Variants in TNNT3 observed in about 807,000 individuals in gnomAD.
TNNT3 encodes troponin T3, fast skeletal type.
A neutral mutation model predicts 54.2 loss-of-function variants in TNNT3; 36 were observed. The observed-to-expected ratio is 0.66, with a 90% CI of 0.51 to 0.88. The LOEUF (loss-of-function observed/expected upper bound fraction) is 0.88. Among genes scored for constraint, TNNT3 ranks in the 40% least tolerant of loss-of-function variants. The pLI, the probability that TNNT3 is intolerant of heterozygous loss-of-function variation, is 0.00. For synonymous variants in TNNT3, 120 were observed against 109.7 expected (o/e 1.09, Z -0.59); for missense variants, 291 against 331.6 (o/e 0.88, Z 0.95).
rs747842953 is a variant in TNNT3 at position 1,936,921 on chromosome 11, G to T, written c.682-42G>T. ...GCCTTCACCCAGTACACGCAGGCCT[G>T]GCCCTCGGGTCGTCGCAGTGAGTCA... On this transcript the variant is annotated intron_variant, in intron 14 of 15. Transcript: ENST00000278317. 6 of 1,582,196 alleles carry T rather than the reference G, an allele frequency of 3.8e-6. No individual in the cohort carries two copies. The African/African-American group carries it at 8.1e-5, about 21-fold the overall frequency.
At chr11:1,925,337 T>G (rs1176020050) in intron 5 of TNNT3, 5 of 1,258,322 alleles carry the variant, frequency 4.0e-6, no homozygotes, top group East Asian at 2.5e-5. Context: ...GGAGCCCATG[T>G]GGGGGTGGGG....
chr11:1,932,393 C>T (rs569613397), intron 8 of TNNT3, 76 bp from the exon 9 acceptor site: 95 of 1,461,956 alleles, frequency 6.5e-5, no homozygotes, highest in East Asian at 4.3e-4. Context: ...CAGGGGCCAG[C>T]GGGGAAAGCG....
chr11:1,923,926 G>A (rs544457579), intron 4 of TNNT3, among the ~76,000 whole-genome samples: 76 of 152,064 alleles, frequency 5.0e-4, no homozygotes, highest in African/African-American at 1.8e-3. Context: ...AACACCGAGT[G>A]CCCTGCGTGC....
At chr11:1,935,290 C>T (rs1018352901) in intron 14 of TNNT3, 62 of 353,138 alleles carry the variant, frequency 1.8e-4, no homozygotes, top group Non-Finnish European at 2.5e-4. Flanking sequence ...AGCTCGGCCC[C>T]GGGGCACCGA....
chr11:1,928,230 G>A (rs1479944067), intron 6 of TNNT3, among the ~76,000 whole-genome samples: 2 of 152,254 alleles, frequency 1.3e-5, no homozygotes, highest in African/African-American at 4.8e-5. Context: ...AGCAGGGACT[G>A]AAGGGACAGG....
chr11:1,924,779 G>T, intron 4 of TNNT3: 1 of 561,548 alleles, frequency 1.8e-6, no homozygotes, highest in Non-Finnish European at 3.2e-6. Flanking sequence ...CTTAACAAGG[G>T]CCCCCGTGCA....
chr11:1,925,135 C>T lies in TNNT3; in HGVS notation c.67+19C>T. On this transcript the variant is annotated intron_variant, in intron 5 of 15. Coordinates refer to ENST00000278317, the MANE Select transcript of TNNT3 (RefSeq NM_006757.4). ...GAGGAAGGTAAGTGGGGTCCAAGGC[C>T]CCGGCCCCCATGCCCACTCCCCAGC... is the stretch of plus-strand genomic sequence containing the variant. 1 of 1,612,478 alleles carries T rather than the reference C, an allele frequency of 6.2e-7. No homozygotes were observed. Among genetic ancestry groups the T allele is most frequent in the East Asian group, 2.2e-5 (1 of 44,850 alleles).
chr11:1,930,784 A>C (rs1853146403), intron 8 of TNNT3, among the ~76,000 whole-genome samples: 1 of 152,212 alleles, frequency 6.6e-6, no homozygotes, highest in Admixed American at 6.5e-5. Flanking sequence ...GATTTTAAGT[A>C]CAGTAATGCT....
chr11:1,934,409 T>A lies in TNNT3; in HGVS notation c.444T>A (p.Ser148=). 6.2e-7 allele frequency: 1 copy of A among 1,613,840 alleles called. No individual in the cohort carries two copies. The highest frequency in any genetic ancestry group is 8.5e-7 in the Non-Finnish European group (1 of 1,180,036). ...EDDLKKKKAL[S]SMGANYSSYL... Reference sequence around the variant, plus strand: ...ACCTGAAGAAGAAGAAAGCTCTGTCTTCCATGGGAGCCAACTACAGCAGCT... The same window carrying A: ...ACCTGAAGAAGAAGAAAGCTCTGTCATCCATGGGAGCCAACTACAGCAGCT... The change falls in exon 12 of 16, where the codon TCT becomes TCA. Residue 148 remains serine, a synonymous_variant. Transcript: ENST00000278317.
Position 1,932,450 on chromosome 11 carries a change from C to G in TNNT3, c.126-19C>G, listed in dbSNP as rs746367258. 1 of 1,613,428 alleles carries G rather than the reference C, an allele frequency of 6.2e-7. No individual in the cohort carries two copies. Among genetic ancestry groups the G allele is most frequent in the Admixed American group, 1.7e-5 (1 of 60,028 alleles). ...GGTCTCCGGGTCTCTGCTCACGGGC[C>G]TCTCTGTCTCCTCTTCAGACTCACT... On this transcript the variant is annotated intron_variant, in intron 8 of 15. Coordinates refer to ENST00000278317, the MANE Select transcript of TNNT3 (RefSeq NM_006757.4).
At chr11:1,922,912 T>G (rs760387565) in intron 2 of TNNT3, 21 bp downstream of exon 2, 1 of 1,613,814 alleles carries the variant, frequency 6.2e-7, no homozygotes. Flanking sequence ...AGCTGGTGGC[T>G]GCCCCCTGCC....
At chr11:1,921,590 C>G (rs570256938) in intron 1 of TNNT3, 1 of 152,328 alleles carries the variant, frequency 6.6e-6, no homozygotes, top group East Asian at 1.9e-4. Flanking sequence ...AAAAGCTACC[C>G]CCGTTGCCTG....
chr11:1,933,971 G>T lies in TNNT3; in HGVS notation c.329G>T (p.Arg110Leu). The T allele has an allele frequency of 1.2e-6, 2 of 1,612,650 alleles. No individual in the cohort carries two copies. Among genetic ancestry groups the T allele is most frequent in the Non-Finnish European group, 1.7e-6 (2 of 1,179,932 alleles). The change falls in exon 11 of 16, where the codon CGT becomes CTT. Residue 110 changes from arginine to leucine, a missense_variant. Arg to Leu is a moderately radical substitution (Grantham distance 102). Coordinates refer to ENST00000278317, the MANE Select transcript of TNNT3 (RefSeq NM_006757.4). ...GAGAGAGCGGAGCAGCAGAGGATTC[G>T]TGCAGAGAAGGAGAGGGAGCGCCAG... ...RAERAEQQRI[R>L]AEKERERQNR...
At position 1,923,555 on chromosome 11, in the gene TNNT3, A is replaced by G; in HGVS notation, c.32A>G (p.Glu11Gly). MSDEEVEQVE[E>G]QYEEEEEAQE... ...CCCTCTTTGTTCTGTCCCAATGCAG[A>G]GCAGTACGAAGAAGAAGGTAATTCT... Residue 11 changes from glutamate (E) to glycine (G), a missense_variant and splice_region_variant, in exon 4 of 16, where the codon GAG becomes GGG. By Grantham distance (98) the Glu-to-Gly change is moderately conservative. Coordinates refer to ENST00000278317, the MANE Select transcript of TNNT3 (RefSeq NM_006757.4). 1.9e-6 allele frequency: 3 copies of G among 1,613,850 alleles called. No homozygotes were observed. Among genetic ancestry groups the G allele is most frequent in the Non-Finnish European group, 2.5e-6 (3 of 1,179,964 alleles).
At position 1,919,888 on chromosome 11, in the gene TNNT3, T is replaced by G. The variant is rs1373474777; in HGVS notation, c.-19+126T>G. ...GCGCTGAGGTCCCAGGTCCGTGTGG[T>G]GCCGAGCATCTCGAAGCATCATGGC... On this transcript the variant is annotated intron_variant, in intron 1 of 15. Transcript: ENST00000278317. The G allele has an allele frequency of 2.6e-5, 4 of 152,310 alleles. No homozygotes were observed. The East Asian group carries it at 7.7e-4, about 29-fold the overall frequency. The allele number at this position is 152,310 out of a possible 1,614,324, so 9.4% of individuals were successfully genotyped here.
chr11:1,922,570 G>A (rs1850342166), intron 1 of TNNT3, among the ~76,000 whole-genome samples: 1 of 152,108 alleles, frequency 6.6e-6, no homozygotes, highest in Non-Finnish European at 1.5e-5. Context: ...TGGACGCCAC[G>A]ACCTTCCAAC....
rs368369564 is a variant in TNNT3, at chr11:1,937,026, C to G, written c.722+23C>G. 12 of 1,579,826 alleles carry G rather than the reference C, an allele frequency of 7.6e-6. 1 individual carries two copies. The highest frequency in any genetic ancestry group is 2.3e-5 in the South Asian group (2 of 86,902). ...GCAGTGAGTAGCCCTGCCGTCCTCG[C>G]TCCGCACTGGGCACAGGGGCCCTTG... On this transcript the variant is annotated intron_variant, in intron 15 of 15. Transcript: ENST00000278317.
At chr11:1,929,525 C>T (rs2734485) in intron 7 of TNNT3, among the ~76,000 whole-genome samples, 4 of 152,242 alleles carry the variant, frequency 2.6e-5, no homozygotes, top group South Asian at 2.1e-4. Flanking sequence ...CCTTCAAGGA[C>T]GCGGCCTGTC....
At chr11:1,930,436 A>C (rs1452401111) in intron 8 of TNNT3, among the ~76,000 whole-genome samples, 1 of 152,164 alleles carries the variant, frequency 6.6e-6, no homozygotes, top group Non-Finnish European at 1.5e-5. Context: ...CTCACTGTGC[A>C]GGGGCCCCTG....
Sources: gnomAD v4.1 joint callset for allele counts (sites outside exome capture counted in the v4.1 genomes callset) on GRCh38, gnomAD v4.1.1 for gene constraint, MANE v1.5 for transcripts, NCBI Gene and HGNC (gene_info 2026-07-23, HGNC 2026-07-21) for gene names.